The following SLC43A2 variants were observed in gnomAD, a reference collection of about 807,000 sequenced individuals.
SLC43A2 encodes large neutral amino acids transporter small subunit 4.
In SLC43A2, 38 loss-of-function variants were observed where a neutral mutation model predicts 63.2. That is an observed-to-expected ratio of 0.60 (90% CI 0.46 to 0.79). The LOEUF is 0.79. SLC43A2 is among the 30% of genes least tolerant of loss of function. The pLI, the probability that SLC43A2 is intolerant of heterozygous loss-of-function variation, is 0.00. For synonymous variants in SLC43A2, 322 were observed against 331.0 expected (o/e 0.97, Z 0.30); for missense variants, 644 against 756.2 (o/e 0.85, Z 1.74).
At chr17:1,611,133 C>T (rs571093560) in intron 5 of SLC43A2, among the ~76,000 whole-genome samples, 46 of 152,252 alleles carry the variant, frequency 3.0e-4, no homozygotes, top group East Asian at 9.7e-4. Flanking sequence ...TGTGAGCCAC[C>T]GCACCCGGCC....
chr17:1,604,094 G>A lies in SLC43A2; in HGVS notation c.501+9101C>T, dbSNP rs190331248. 1.3e-3 allele frequency among the ~76,000 whole-genome samples: 201 copies of A among 152,334 alleles called. 1 individual carries two copies. The highest frequency in any genetic ancestry group is 6.3e-4 in the Non-Finnish European group (43 of 68,038). ...CTCACTCTGTCGCCAAGGCTACAGT[G>A]CAGCAGCACAATCTCAGCTCACTTC... On this transcript the variant is annotated intron_variant, in intron 5 of 13. Transcript: ENST00000301335.
chr17:1,602,758 G>C (rs1312751117), intron 5 of SLC43A2, among the ~76,000 whole-genome samples: 1 of 135,066 alleles, frequency 7.4e-6, no homozygotes, highest in Non-Finnish European at 1.6e-5. Flanking sequence ...TGTTTTTTCA[G>C]TTTTTTTTTT....
chr17:1,588,946 G>A (rs1904487816), intron 9 of SLC43A2, among the ~76,000 whole-genome samples: 2 of 152,200 alleles, frequency 1.3e-5, no homozygotes, highest in Admixed American at 1.3e-4. Flanking sequence ...TTCCTCAGCA[G>A]CACGGCACAC....
intron 5 of SLC43A2, among the ~76,000 whole-genome samples, chr17:1,594,380 G>A (rs941384169): frequency 2.5e-4 from 38 of 152,238 alleles, no homozygotes; most frequent in African/African-American, 8.7e-4. Context: ...TCCCAAAGAG[G>A]CACAGGTTCT....
At chr17:1,579,007 G>C (rs1467890341) in intron 11 of SLC43A2, among the ~76,000 whole-genome samples, 1 of 151,968 alleles carries the variant, frequency 6.6e-6, no homozygotes, top group Non-Finnish European at 1.5e-5. Context: ...TGGGCGTGGT[G>C]GTGGGCACCT....
intron 5 of SLC43A2, among the ~76,000 whole-genome samples, chr17:1,607,221 A>C (rs1329951913): frequency 6.6e-6 from 1 of 152,188 alleles, no homozygotes; most frequent in Non-Finnish European, 1.5e-5. Context: ...AAATTCCTAA[A>C]GGCGACCCTG....
At chr17:1,585,847 G>T in intron 10 of SLC43A2, 66 bp downstream of exon 10, 2 of 1,610,090 alleles carry the variant, frequency 1.2e-6, no homozygotes, top group Non-Finnish European at 1.7e-6. Flanking sequence ...TGCCTGACAT[G>T]CAGCTCTGGG....
chr17:1,610,294 G>A (rs1460054072), intron 5 of SLC43A2, among the ~76,000 whole-genome samples: 2 of 151,444 alleles, frequency 1.3e-5, no homozygotes, highest in South Asian at 2.1e-4. Context: ...ACAAGGTCTC[G>A]CTCTGTCACA....
At chr17:1,604,131 C>T (rs937697532) in intron 5 of SLC43A2, among the ~76,000 whole-genome samples, 2 of 152,230 alleles carry the variant, frequency 1.3e-5, no homozygotes, top group Admixed American at 1.3e-4. Context: ...AGCTCCACCT[C>T]CCTGGTTCAA....
At chr17:1,610,933 C>T (rs965643838) in intron 5 of SLC43A2, among the ~76,000 whole-genome samples, 5 of 151,628 alleles carry the variant, frequency 3.3e-5, no homozygotes, top group Admixed American at 1.3e-4. Flanking sequence ...CTCCGCCTCC[C>T]GGCCTCAAGC....
intron 2 of SLC43A2, among the ~76,000 whole-genome samples, chr17:1,626,802 G>A (rs903879694): frequency 2.0e-5 from 3 of 152,234 alleles, no homozygotes; most frequent in Non-Finnish European, 4.4e-5. Flanking sequence ...CTATTATGCA[G>A]CTACCGTTGG....
intron 10 of SLC43A2, among the ~76,000 whole-genome samples, chr17:1,585,003 A>G (rs1366641864): frequency 6.6e-6 from 1 of 152,158 alleles, no homozygotes; most frequent in Non-Finnish European, 1.5e-5. Flanking sequence ...TAAACCTTGC[A>G]GGCAGATAAC....
At chr17:1,625,879 G>A (rs1349836790) in intron 2 of SLC43A2, among the ~76,000 whole-genome samples, 1 of 152,026 alleles carries the variant, frequency 6.6e-6, no homozygotes, top group Admixed American at 6.6e-5. Flanking sequence ...TCAGCACTGC[G>A]CTGGCACAAT....
chr17:1,624,909 C>A lies in SLC43A2; in HGVS notation c.160+2806G>T, dbSNP rs1399021165. Among the ~76,000 whole-genome samples the A allele has an allele frequency of 1.3e-5, 2 of 152,032 alleles. 1 individual carries two copies. The highest frequency in any genetic ancestry group is 4.8e-5 in the African/African-American group (2 of 41,394). On this transcript the variant is annotated intron_variant, in intron 2 of 13. Coordinates refer to ENST00000301335, the MANE Select transcript of SLC43A2 (RefSeq NM_152346.3). The stretch of plus-strand genomic sequence containing the variant: ...AGACCCTGTCTCAAATAAAAAAAAA[C>A]CATCCACAGGTAGCCGCAGCCCCCC...
intron 10 of SLC43A2, chr17:1,585,576 T>TG: frequency 1.1e-6 from 1 of 906,836 alleles, no homozygotes; most frequent in Non-Finnish European, 1.5e-6. Flanking sequence ...AGACGGGGAG[T>TG]GGGGGCTGGC....
At chr17:1,598,139 GGGGCCAGGC>G (rs144352285) in intron 5 of SLC43A2, among the ~76,000 whole-genome samples, 4,485 of 152,266 alleles carry the variant, frequency 0.029, 209 homozygotes, top group African/African-American at 0.1. Context: ...AAGAAAGAAA[GGGGCCAGGC>G]GCGGTGGCTC....
chr17:1,613,083 C>T, intron 5 of SLC43A2, 112 bp downstream of exon 5: 1 of 958,754 alleles, frequency 1.0e-6, no homozygotes, highest in Non-Finnish European at 1.6e-6. Context: ...CTGTTTGGGA[C>T]ACCCAGGCAC....
intron 5 of SLC43A2, among the ~76,000 whole-genome samples, chr17:1,598,161 G>A (rs964562585): frequency 3.3e-5 from 5 of 152,204 alleles, no homozygotes; most frequent in African/African-American, 9.6e-5. Flanking sequence ...GGTGGCTCAC[G>A]CCTGTAATCC....
chr17:1,586,520 C>T (rs1433289984), intron 9 of SLC43A2, among the ~76,000 whole-genome samples: 2 of 151,996 alleles, frequency 1.3e-5, no homozygotes, highest in African/African-American at 4.8e-5. Context: ...CACAGTGAAA[C>T]CCCGTCTCTA....
Sources: gnomAD v4.1 joint callset for allele counts (sites outside exome capture counted in the v4.1 genomes callset) on GRCh38, gnomAD v4.1.1 for gene constraint, MANE v1.5 for transcripts, NCBI Gene and HGNC (gene_info 2026-07-23, HGNC 2026-07-21) for gene names.